KLF8: variants seen among roughly 807,000 people sequenced by gnomAD.
The protein encoded by KLF8 is Krueppel-like factor 8.
KLF8 carries 10 observed loss-of-function variants against 18.2 expected under a neutral mutation model. That is an observed-to-expected ratio of 0.55 (90% CI 0.34 to 0.93). The LOEUF (loss-of-function observed/expected upper bound fraction) is 0.93. Ranked by LOEUF, KLF8 falls within the 40% of genes least tolerant of loss-of-function variation. KLF8 has a pLI of 0.02. For missense variants in KLF8, 264 were observed against 277.9 expected (o/e 0.95, Z 0.36); for synonymous variants, 109 against 97.3 (o/e 1.12, Z -0.71).
chrX:56,168,473 C>A, the KLF8 span, among the ~76,000 whole-genome samples: 125 of 111,919 alleles, frequency 1.1e-3, no homozygotes, highest in African/African-American at 4.0e-3. Context: ...ATGTTTATGA[C>A]CTTTTACACA....
At chrX:56,018,731 G>A in the KLF8 span, among the ~76,000 whole-genome samples, 1 of 110,784 alleles carries the variant, frequency 9.0e-6, no homozygotes, top group African/African-American at 3.3e-5. Context: ...CATTTTTGTA[G>A]GTAAAAATTG....
At chrX:56,032,640 GTGT>G in the KLF8 span, among the ~76,000 whole-genome samples, 15 of 112,156 alleles carry the variant, frequency 1.3e-4, no homozygotes, top group African/African-American at 2.3e-4. Context: ...AGATTCATCT[GTGT>G]TGTTGTGCAT....
chrX:56,133,797 G>C, the KLF8 span, among the ~76,000 whole-genome samples: 1 of 111,305 alleles, frequency 9.0e-6, no homozygotes, highest in Admixed American at 9.6e-5. Flanking sequence ...TCCTAGAACT[G>C]ATAAATGAAT....
the KLF8 span, among the ~76,000 whole-genome samples, chrX:56,009,036 T>A: frequency 9.0e-6 from 1 of 111,003 alleles, no homozygotes; most frequent in East Asian, 2.8e-4. Flanking sequence ...ATCTAGGCAG[T>A]ACGGAGAAGC....
In KLF8 at chrX:56,288,380, T is replaced by A. The variant is rs1349300081; in HGVS notation, c.*3886T>A. 9.0e-6 allele frequency among the ~76,000 whole-genome samples: 1 copy of A among 111,659 alleles called. No individual in the cohort carries two copies. Among genetic ancestry groups the A allele is most frequent in the Non-Finnish European group, 1.9e-5 (1 of 53,168 alleles). On this transcript the variant is annotated 3_prime_UTR_variant, in exon 6 of 6. Coordinates refer to ENST00000468660, the MANE Select transcript of KLF8 (RefSeq NM_007250.5). ...GTGACCTTGACACTTTTGAGAGAGA[T>A]TTTCCTCAACTGGGATTTGTCAGTT...
At chrX:56,150,518 G>T in the KLF8 span, among the ~76,000 whole-genome samples, 1 of 111,767 alleles carries the variant, frequency 8.9e-6, no homozygotes, top group Non-Finnish European at 1.9e-5. Flanking sequence ...TGTGTATTTT[G>T]TCAAATGAGT....
At chrX:56,063,913 C>T in the KLF8 span, among the ~76,000 whole-genome samples, 1 of 109,542 alleles carries the variant, frequency 9.1e-6, no homozygotes, top group Admixed American at 9.9e-5. Flanking sequence ...CAGTAGGCTC[C>T]CTATGTGTTC....
At chrX:56,105,913 G>C in the KLF8 span, among the ~76,000 whole-genome samples, 2 of 111,279 alleles carry the variant, frequency 1.8e-5, no homozygotes, top group Non-Finnish European at 3.8e-5. Context: ...GGCAGGCCTG[G>C]TGGTGACAAA....
chrX:56,075,016 T>C, the KLF8 span, among the ~76,000 whole-genome samples: 1 of 110,929 alleles, frequency 9.0e-6, no homozygotes, highest in Non-Finnish European at 1.9e-5. Flanking sequence ...TGATGTGTTT[T>C]GATAGAGGTA....
At chrX:56,188,114 T>C in the KLF8 span, among the ~76,000 whole-genome samples, 16 of 110,911 alleles carry the variant, frequency 1.4e-4, no homozygotes, top group South Asian at 1.5e-3. Flanking sequence ...TGATTGTATA[T>C]CTAGAAAACC....
At chrX:56,226,855 G>A in the KLF8 span, among the ~76,000 whole-genome samples, 1 of 112,085 alleles carries the variant, frequency 8.9e-6, no homozygotes, top group Non-Finnish European at 1.9e-5. Context: ...GGAATATCCT[G>A]TTATTGTGGC....
chrX:56,202,626 T>C, the KLF8 span, among the ~76,000 whole-genome samples: 1 of 98,499 alleles, frequency 1.0e-5, no homozygotes, highest in Non-Finnish European at 2.0e-5. Flanking sequence ...CTACTCTCTG[T>C]GTCTATGAGT....
At chrX:56,053,384 T>C in the KLF8 span, among the ~76,000 whole-genome samples, 4 of 111,737 alleles carry the variant, frequency 3.6e-5, no homozygotes, top group East Asian at 1.1e-3. Context: ...GGTGGATAAG[T>C]TTTTTAATAT....
the KLF8 span, among the ~76,000 whole-genome samples, chrX:56,107,691 C>T: frequency 9.0e-5 from 10 of 111,386 alleles, no homozygotes; most frequent in Non-Finnish European, 1.5e-4. Flanking sequence ...TAGGTCGATG[C>T]CCTGCTCTGC....
chrX:56,194,594 G>A, the KLF8 span, among the ~76,000 whole-genome samples: 1 of 112,617 alleles, frequency 8.9e-6, no homozygotes, highest in African/African-American at 3.2e-5. Context: ...AGCTCAACAA[G>A]TCCTACTGCC....
chrX:56,030,337 C>T, the KLF8 span, among the ~76,000 whole-genome samples: 1 of 111,456 alleles, frequency 9.0e-6, no homozygotes, highest in African/African-American at 3.3e-5. Flanking sequence ...ACATGCTCCT[C>T]TAGCCATTTA....
the KLF8 span, among the ~76,000 whole-genome samples, chrX:55,994,802 T>C: frequency 8.9e-6 from 1 of 111,812 alleles, no homozygotes; most frequent in South Asian, 3.7e-4. Flanking sequence ...TGATTTTGGG[T>C]TTTTGAATTT....
chrX:56,022,551 C>CAAAAAAAA, the KLF8 span, among the ~76,000 whole-genome samples: 4,654 of 26,996 alleles, frequency 0.17, 778 homozygotes, highest in African/African-American at 0.36. Context: ...TCTGTCTGAC[C>CAAAAAAAA]AAAAAAAAAA....
At chrX:56,189,705 T>A in the KLF8 span, among the ~76,000 whole-genome samples, 12 of 108,966 alleles carry the variant, frequency 1.1e-4, 1 homozygote, top group South Asian at 4.9e-3. Flanking sequence ...AAATGATGAG[T>A]TCATGTCCTT....
Sources: gnomAD v4.1 joint callset for allele counts (sites outside exome capture counted in the v4.1 genomes callset) on GRCh38, gnomAD v4.1.1 for gene constraint, MANE v1.5 for transcripts, NCBI Gene and HGNC (gene_info 2026-07-23, HGNC 2026-07-21) for gene names.